Variants in PTPRC observed in about 807,000 individuals in gnomAD.
The protein encoded by PTPRC is receptor-type tyrosine-protein phosphatase C.
PTPRC carries 44 observed loss-of-function variants against 155.9 expected under a neutral mutation model. The observed-to-expected ratio is 0.28, with a 90% CI of 0.22 to 0.36. The LOEUF is 0.36. Among genes scored for constraint, PTPRC ranks in the 10% least tolerant of loss-of-function variants. The pLI, the probability that PTPRC is intolerant of heterozygous loss-of-function variation, is 1.00. For missense variants in PTPRC, 1,401 were observed against 1,564.6 expected (o/e 0.90, Z 1.76); for synonymous variants, 525 against 533.1 (o/e 0.98, Z 0.21).
chr1:198,644,615 CA>C (rs1161398554), intron 2 of PTPRC, among the ~76,000 whole-genome samples: 6 of 151,812 alleles, frequency 4.0e-5, no homozygotes, highest in African/African-American at 9.6e-5. Context: ...GGAATCACAA[CA>C]AAAAACAAGA....
At position 198,736,872 on chromosome 1, in the gene PTPRC, A is replaced by G. The variant is rs74230262; in HGVS notation, c.2403+1620A>G. Among the ~76,000 whole-genome samples, 671 of 151,730 alleles carry G rather than the reference A, an allele frequency of 4.4e-3. 32 individuals are homozygous for G. The East Asian group carries it at 0.11, about 24-fold the overall frequency. The stretch of plus-strand genomic sequence containing the variant: ...ATTCATTCTTGGCTATCTTTTATAT[A>G]TAAGTTGTTATAACTGGAGCATAGT... On this transcript the variant is annotated intron_variant, in intron 23 of 32. Coordinates refer to ENST00000442510, the MANE Select transcript of PTPRC (RefSeq NM_002838.5).
chr1:198,693,872 A>C (rs914443645), intron 3 of PTPRC: 1 of 1,047,304 alleles, frequency 9.5e-7, no homozygotes, highest in Admixed American at 4.0e-5. Flanking sequence ...GCTAGAAGTA[A>C]TCTTTAGGAA....
chr1:198,697,717 A>T (rs1319725432), intron 4 of PTPRC, among the ~76,000 whole-genome samples: 2 of 152,232 alleles, frequency 1.3e-5, no homozygotes, highest in Admixed American at 1.3e-4. Flanking sequence ...ACATACTCTG[A>T]TAAAAGATAC....
At chr1:198,723,766 T>G (rs1350004014) in intron 15 of PTPRC, among the ~76,000 whole-genome samples, 4 of 152,210 alleles carry the variant, frequency 2.6e-5, no homozygotes, top group Non-Finnish European at 5.9e-5. Context: ...CGGGAATCCT[T>G]GCAGCAGTGC....
intron 14 of PTPRC, among the ~76,000 whole-genome samples, chr1:198,718,993 A>G (rs1302813076): frequency 6.6e-6 from 1 of 152,176 alleles, no homozygotes; most frequent in Non-Finnish European, 1.5e-5. Flanking sequence ...TCTATTAACT[A>G]TAACTATGTT....
intron 2 of PTPRC, among the ~76,000 whole-genome samples, chr1:198,688,370 C>A (rs369816432): frequency 1.1e-4 from 17 of 151,844 alleles, no homozygotes; most frequent in African/African-American, 4.1e-4. Flanking sequence ...TGAAAAGATT[C>A]GAGGAAATTT....
chr1:198,754,491 T>G, intron 32 of PTPRC, 87 bp downstream of exon 32: 1 of 1,472,668 alleles, frequency 6.8e-7, no homozygotes, highest in Non-Finnish European at 9.4e-7. Flanking sequence ...TCCTCTCCTT[T>G]CCTCTCGTTT....
intron 11 of PTPRC, among the ~76,000 whole-genome samples, chr1:198,712,022 TTTACCAAAGAGGAA>T (rs1425956552): frequency 1.3e-5 from 2 of 152,172 alleles, no homozygotes; most frequent in Admixed American, 1.3e-4. Flanking sequence ...ACTCCAGGTA[TTTACCAAAGAGGAA>T]ACATGACAAA....
chr1:198,742,221 T>C lies in PTPRC; in HGVS notation c.2562-11T>C. On this transcript the variant is annotated splice_polypyrimidine_tract_variant and intron_variant, in intron 24 of 32. Coordinates refer to ENST00000442510, the MANE Select transcript of PTPRC (RefSeq NM_002838.5). The stretch of plus-strand genomic sequence containing the variant: ...GATCATGCCTCTGCTTTTTTTTGCT[T>C]GGTTTGCCAGTGCTGGTGTTGGGCG... 6.2e-7 allele frequency: 1 copy of C among 1,612,212 alleles called. No homozygotes were observed. Among genetic ancestry groups the C allele is most frequent in the Non-Finnish European group, 8.5e-7 (1 of 1,178,828 alleles).
At chr1:198,747,962 G>A in intron 26 of PTPRC, 147 bp from the exon 27 acceptor site, 5 of 1,235,940 alleles carry the variant, frequency 4.0e-6, no homozygotes, top group East Asian at 2.6e-5. Context: ...AAAAATCAGA[G>A]GCAAACCGAA....
intron 24 of PTPRC, 33 bp downstream of exon 24, chr1:198,742,059 A>G (rs748403322): frequency 1.2e-5 from 19 of 1,608,162 alleles, no homozygotes; most frequent in Non-Finnish European, 1.5e-5. Flanking sequence ...AAAAACAACA[A>G]CAAAAAAACT....
intron 5 of PTPRC, 133 bp from the exon 6 acceptor site, chr1:198,702,254 C>T (rs1042854049): frequency 7.1e-6 from 8 of 1,124,482 alleles, no homozygotes; most frequent in African/African-American, 4.6e-5. Flanking sequence ...ATGCATGTGT[C>T]GTGGTATAGC....
At chr1:198,731,501 TG>T (rs769468854) in intron 17 of PTPRC, 115 bp from the exon 18 acceptor site, 18 of 754,816 alleles carry the variant, frequency 2.4e-5, no homozygotes, top group African/African-American at 5.2e-5. Flanking sequence ...TCAGATGAAA[TG>T]TGTACGAGGA....
chr1:198,754,504 T>A, intron 32 of PTPRC, 100 bp downstream of exon 32: 1 of 1,400,860 alleles, frequency 7.1e-7, no homozygotes, highest in South Asian at 1.3e-5. Flanking sequence ...TCTCGTTTGT[T>A]CTTTTTTCCC....
chr1:198,703,599 T>G, intron 7 of PTPRC: 1 of 685,670 alleles, frequency 1.5e-6, no homozygotes, highest in Non-Finnish European at 2.4e-6. Flanking sequence ...AGAAAGCATG[T>G]GTGAGAAACA....
At chr1:198,752,847 G>C (rs1328895608) in intron 31 of PTPRC, 75 bp downstream of exon 31, 1 of 1,500,410 alleles carries the variant, frequency 6.7e-7, no homozygotes, top group East Asian at 2.3e-5. Flanking sequence ...GTCTTATCTA[G>C]TTATCCTCAT....
At chr1:198,639,432 G>A (rs765018292) in intron 2 of PTPRC, 91 bp downstream of exon 2, 29 of 1,020,036 alleles carry the variant, frequency 2.8e-5, no homozygotes, top group Non-Finnish European at 4.2e-5. Flanking sequence ...AAATGTGTTG[G>A]TAACTGGAAG....
At chr1:198,697,464 T>C (rs1340548316) in intron 4 of PTPRC, among the ~76,000 whole-genome samples, 1 of 152,228 alleles carries the variant, frequency 6.6e-6, no homozygotes, top group Non-Finnish European at 1.5e-5. Context: ...AGGTTGTGAG[T>C]TCTACTGGTA....
chr1:198,687,920 T>C (rs1416095670), intron 2 of PTPRC, among the ~76,000 whole-genome samples: 1 of 152,140 alleles, frequency 6.6e-6, no homozygotes, highest in Non-Finnish European at 1.5e-5. Context: ...AACATTTTTA[T>C]GTCATTTATC....
Sources: gnomAD v4.1 joint callset for allele counts (sites outside exome capture counted in the v4.1 genomes callset) on GRCh38, gnomAD v4.1.1 for gene constraint, MANE v1.5 for transcripts, NCBI Gene and HGNC (gene_info 2026-07-23, HGNC 2026-07-21) for gene names.